Variants in EML6 observed in about 807,000 individuals in gnomAD.
The protein encoded by EML6 is EMAP like 6.
Under a neutral mutation model 240.1 loss-of-function variants are expected in EML6, and 154 were observed. That is an observed-to-expected ratio of 0.64 (90% CI 0.56 to 0.73). The LOEUF is 0.73. Ranked by LOEUF, EML6 falls within the 30% of genes least tolerant of loss-of-function variation. The probability of loss-of-function intolerance (pLI) is 0.00; values close to 1 mark genes in which losing one functional copy is unlikely to be tolerated. For missense variants in EML6, 2,964 were observed against 2,474.6 expected, an observed-to-expected ratio of 1.20 and a Z score of -4.20; for synonymous variants, 1,148 against 899.0, an observed-to-expected ratio of 1.28 and a Z score of -4.95.
chr2:54,871,062 G>C (rs144904792), intron 15 of EML6, among the ~76,000 whole-genome samples: 3 of 152,318 alleles, frequency 2.0e-5, no homozygotes, highest in African/African-American at 7.2e-5. Flanking sequence ...AGGGGGAGAA[G>C]CGGGGCCAGG....
chr2:54,944,227 G>T (rs912502254), intron 28 of EML6, among the ~76,000 whole-genome samples: 2 of 151,960 alleles, frequency 1.3e-5, no homozygotes, highest in African/African-American at 2.4e-5. Context: ...CTATCTCACG[G>T]GTGTTCAAAG....
At chr2:54,753,467 T>G (rs1684262854) in intron 2 of EML6, among the ~76,000 whole-genome samples, 1 of 151,996 alleles carries the variant, frequency 6.6e-6, no homozygotes, top group Non-Finnish European at 1.5e-5. Context: ...TAAGTGAGAG[T>G]GACAGGGAGT....
chr2:54,838,694 A>G (rs1165087056), intron 7 of EML6, among the ~76,000 whole-genome samples: 1 of 152,098 alleles, frequency 6.6e-6, no homozygotes, highest in Non-Finnish European at 1.5e-5. Context: ...GTCTTGGCAT[A>G]AGAGGATTTT....
chr2:54,916,901 T>G lies in EML6; in HGVS notation c.3641T>G (p.Phe1214Cys). Residue 1214 changes from phenylalanine (F) to cysteine (C), a missense_variant, in exon 26 of 42, where the codon TTT becomes TGT. Phe to Cys is a radical substitution (Grantham distance 205). Transcript: ENST00000356458. ...DCSLLATGDDFGFVKLFSYPV... is the reference protein window; with the variant it reads ...DCSLLATGDDCGFVKLFSYPV... Reference sequence around the variant, plus strand: ...TCCCTTTTAGCCACCGGAGATGATTTTGGTTTCGTTAAGCTTTTTTCATAT... The same window carrying G: ...TCCCTTTTAGCCACCGGAGATGATTGTGGTTTCGTTAAGCTTTTTTCATAT... 1.3e-6 allele frequency: 2 copies of G among 1,548,138 alleles called. No homozygotes were observed. The highest frequency in any genetic ancestry group is 1.7e-6 in the Non-Finnish European group (2 of 1,143,960).
At chr2:54,916,295 A>T (rs1673905662) in intron 25 of EML6, among the ~76,000 whole-genome samples, 1 of 152,188 alleles carries the variant, frequency 6.6e-6, no homozygotes, top group Non-Finnish European at 1.5e-5. Flanking sequence ...TCCCAGGAAC[A>T]TTTGGCAATG....
intron 30 of EML6, 59 bp downstream of exon 30, chr2:54,950,838 C>A: frequency 2.0e-6 from 3 of 1,505,954 alleles, no homozygotes; most frequent in South Asian, 1.3e-5. Flanking sequence ...ATGCTTTCCC[C>A]ACTCTTTAGA....
At chr2:54,883,606 G>A (rs1047252658) in intron 17 of EML6, among the ~76,000 whole-genome samples, 1 of 152,160 alleles carries the variant, frequency 6.6e-6, no homozygotes, top group African/African-American at 2.4e-5. Context: ...AATTCCTTGT[G>A]ATGGGGCGTG....
chr2:54,805,882 C>G (rs1670444725), intron 2 of EML6, among the ~76,000 whole-genome samples: 1 of 152,060 alleles, frequency 6.6e-6, no homozygotes, highest in African/African-American at 2.4e-5. Context: ...CCTAGTTGTT[C>G]CAGCACTGTC....
chr2:54,918,931 T>A (rs190204892), intron 26 of EML6, among the ~76,000 whole-genome samples: 1 of 152,214 alleles, frequency 6.6e-6, no homozygotes, highest in Non-Finnish European at 1.5e-5. Flanking sequence ...TGTGTAATAT[T>A]TCATCCTAGA....
At chr2:54,936,120 CTT>C (rs775842939) in intron 28 of EML6, among the ~76,000 whole-genome samples, 9 of 152,210 alleles carry the variant, frequency 5.9e-5, no homozygotes, top group Non-Finnish European at 1.2e-4. Context: ...AAATTAGAAA[CTT>C]ATAACTACGG....
At chr2:54,890,379 C>G (rs1672401635) in intron 17 of EML6, among the ~76,000 whole-genome samples, 2 of 152,050 alleles carry the variant, frequency 1.3e-5, no homozygotes, top group South Asian at 4.1e-4. Context: ...ATATCAAAGA[C>G]CATCAAATAG....
At chr2:54,920,854 A>G (rs1041219394) in intron 26 of EML6, among the ~76,000 whole-genome samples, 1 of 152,192 alleles carries the variant, frequency 6.6e-6, no homozygotes, top group African/African-American at 2.4e-5. Context: ...ATGGTTCGAC[A>G]TATGCAAGTC....
chr2:54,813,368 C>T lies in EML6; in HGVS notation c.334C>T (p.Leu112=). Residue 112 remains leucine (L), a synonymous_variant, in exon 3 of 42, where the codon CTG becomes TTG. Coordinates refer to ENST00000356458, the MANE Select transcript of EML6 (RefSeq NM_001039753.4). ...TGTCCATACACATGGAGTTGCCTGC[C>T]TGGCTTTTGACTCAGATGGACAGGT... ...KDVHTHGVAC[L]AFDSDGQRLA... 1 of 1,551,562 alleles carries T rather than the reference C, an allele frequency of 6.4e-7. No homozygotes were observed. The highest frequency in any genetic ancestry group is 8.7e-7 in the Non-Finnish European group (1 of 1,146,834).
intron 2 of EML6, among the ~76,000 whole-genome samples, chr2:54,793,895 C>T (rs767370671): frequency 6.6e-6 from 1 of 152,140 alleles, no homozygotes; most frequent in Non-Finnish European, 1.5e-5. Flanking sequence ...CCCTCAATAG[C>T]CTACTAGGAG....
At chr2:54,962,085 T>G (rs1005985300) in intron 35 of EML6, among the ~76,000 whole-genome samples, 3 of 144,904 alleles carry the variant, frequency 2.1e-5, no homozygotes, top group Non-Finnish European at 4.6e-5. Flanking sequence ...AGTTACTTGT[T>G]TTTTTTTTTT....
At chr2:54,819,936 C>T (rs1050820088) in intron 4 of EML6, among the ~76,000 whole-genome samples, 3 of 152,116 alleles carry the variant, frequency 2.0e-5, no homozygotes, top group African/African-American at 7.2e-5. Flanking sequence ...GGAATATTAA[C>T]TTCTGTGATT....
chr2:54,838,409 A>G (rs1481336348), intron 7 of EML6, among the ~76,000 whole-genome samples: 2 of 152,240 alleles, frequency 1.3e-5, no homozygotes, highest in East Asian at 3.8e-4. Flanking sequence ...CACTTTACAG[A>G]TGGAGGAACT....
chr2:54,899,291 A>T (rs1378465828), intron 21 of EML6, among the ~76,000 whole-genome samples: 1 of 152,206 alleles, frequency 6.6e-6, no homozygotes. Context: ...GTACATATAT[A>T]CTATGTTTAT....
chr2:54,854,899 T>C (rs1670289758), intron 11 of EML6, among the ~76,000 whole-genome samples: 1 of 152,192 alleles, frequency 6.6e-6, no homozygotes, highest in Admixed American at 6.5e-5. Flanking sequence ...GGGGGTAAGT[T>C]AGGCCTCCAA....
Sources: allele counts gnomAD v4.1 joint callset (sites outside exome capture counted in the v4.1 genomes callset), GRCh38; gene constraint gnomAD v4.1.1; transcripts MANE v1.5; gene names NCBI Gene and HGNC (gene_info 2026-07-23, HGNC 2026-07-21).